Variants in TRPM8 observed in about 807,000 individuals in gnomAD.
The protein encoded by TRPM8 is transient receptor potential cation channel subfamily M member 8.
TRPM8 carries 110 observed loss-of-function variants against 133.7 expected under a neutral mutation model. The observed-to-expected ratio is 0.82, with a 90% CI of 0.70 to 0.96. TRPM8 has a LOEUF of 0.96. Ranked by LOEUF, TRPM8 falls within the 40% of genes least tolerant of loss-of-function variation. The probability of loss-of-function intolerance (pLI) is 0.00; values close to 1 mark genes in which losing one functional copy is unlikely to be tolerated. For synonymous variants in TRPM8, 535 were observed against 532.3 expected (o/e 1.01, Z -0.07); for missense variants, 1,291 against 1,379.5 (o/e 0.94, Z 1.02).
At chr2:234,014,429 C>A in intron 24 of TRPM8, 133 bp from the exon 25 acceptor site, 1 of 489,176 alleles carries the variant, frequency 2.0e-6, no homozygotes, top group East Asian at 3.6e-5. Context: ...TCTCATTCTG[C>A]CTTATTTTAG....
chr2:233,997,995 C>T (rs1692452981), intron 22 of TRPM8, among the ~76,000 whole-genome samples: 1 of 152,166 alleles, frequency 6.6e-6, no homozygotes, highest in Admixed American at 6.5e-5. Flanking sequence ...TTCCTAGCCC[C>T]CAGTTATGCC....
intron 24 of TRPM8, among the ~76,000 whole-genome samples, chr2:234,009,632 G>T (rs17874955): frequency 6.6e-6 from 1 of 152,050 alleles, no homozygotes. Flanking sequence ...AGGTCCCACC[G>T]CCTCCCTCCC....
At chr2:233,995,211 A>G (rs571298743) in intron 21 of TRPM8, among the ~76,000 whole-genome samples, 2 of 152,362 alleles carry the variant, frequency 1.3e-5, no homozygotes, top group East Asian at 1.9e-4. Flanking sequence ...TTCATTGTAG[A>G]TGATAATAGA....
chr2:233,940,332 T>A (rs1690874904), intron 5 of TRPM8, among the ~76,000 whole-genome samples: 1 of 149,708 alleles, frequency 6.7e-6, no homozygotes, highest in Admixed American at 6.6e-5. Flanking sequence ...TTTTGTTTTG[T>A]TTTTCCCATT....
intron 11 of TRPM8, chr2:233,955,508 A>T: frequency 3.6e-6 from 1 of 280,410 alleles, no homozygotes; most frequent in Admixed American, 5.1e-5. Context: ...CTTCAGCTGC[A>T]AAGTGAGGGT....
chr2:233,958,924 TG>T (rs1352009985), intron 11 of TRPM8, among the ~76,000 whole-genome samples: 3 of 147,886 alleles, frequency 2.0e-5, no homozygotes, highest in Non-Finnish European at 3.0e-5. Context: ...GTGGGGACTG[TG>T]GGGAGTTGGA....
At chr2:233,991,864 T>C (rs1304886886) in intron 21 of TRPM8, among the ~76,000 whole-genome samples, 2 of 152,218 alleles carry the variant, frequency 1.3e-5, no homozygotes, top group Non-Finnish European at 2.9e-5. Flanking sequence ...AAGGCTTATC[T>C]TGTGGATTCT....
At chr2:234,017,165 T>A (rs1692975645) in intron 25 of TRPM8, 134 bp from the exon 26 acceptor site, 2 of 343,910 alleles carry the variant, frequency 5.8e-6, no homozygotes, top group Non-Finnish European at 1.2e-5. Flanking sequence ...AAAAAAAAAA[T>A]CTCTCAACTT....
intron 3 of TRPM8, 22 bp downstream of exon 3, chr2:233,930,763 A>G (rs1285488864): frequency 7.6e-6 from 12 of 1,569,140 alleles, no homozygotes; most frequent in Non-Finnish European, 9.6e-6. Context: ...TTTTCCCTCC[A>G]GTTTTGCTTT....
chr2:233,999,890 A>C (rs534386684), intron 22 of TRPM8, among the ~76,000 whole-genome samples: 2 of 152,182 alleles, frequency 1.3e-5, no homozygotes, highest in African/African-American at 4.8e-5. Context: ...GATCCTCACC[A>C]TGCCCAGGCA....
chr2:233,995,473 C>T (rs1692379006), intron 21 of TRPM8, among the ~76,000 whole-genome samples: 1 of 152,178 alleles, frequency 6.6e-6, no homozygotes, highest in South Asian at 2.1e-4. Context: ...GACTAAACAG[C>T]ACTCAAAACA....
At chr2:233,981,984 G>A in intron 19 of TRPM8, 69 bp downstream of exon 19, 1 of 1,479,920 alleles carries the variant, frequency 6.8e-7, no homozygotes, top group South Asian at 1.4e-5. Context: ...ATGGTCGATA[G>A]GAGGATTTTG....
rs199955839 is a variant in TRPM8, at chr2:233,959,367, C to A, written c.1363-1409C>A. On this transcript the variant is annotated intron_variant, in intron 11 of 25. Transcript: ENST00000324695. ...TTTGAGATGGAGTCTCACTCTGTCA[C>A]CCAAGCTGGAGTGCAGAGGTGCAAT... Among the ~76,000 whole-genome samples, 85 of 131,476 alleles carry A rather than the reference C, an allele frequency of 6.5e-4. 1 individual carries two copies. The East Asian group carries it at 0.015, about 23-fold the overall frequency. The allele number at this position is 131,476 out of a possible 152,430, so 86.3% of individuals were successfully genotyped here.
intron 22 of TRPM8, among the ~76,000 whole-genome samples, chr2:234,005,784 G>A (rs750911601): frequency 4.6e-5 from 7 of 151,996 alleles, no homozygotes; most frequent in Admixed American, 1.3e-4. Flanking sequence ...GGTGGTATGC[G>A]CTTGTAGTCC....
chr2:233,971,611 G>C (rs764066350), intron 17 of TRPM8, among the ~76,000 whole-genome samples: 34 of 152,088 alleles, frequency 2.2e-4, no homozygotes, highest in African/African-American at 8.2e-4. Context: ...GGACCCTTGC[G>C]GTGAGTGTTA....
At chr2:233,958,052 C>A (rs983603877) in intron 11 of TRPM8, among the ~76,000 whole-genome samples, 5 of 152,132 alleles carry the variant, frequency 3.3e-5, no homozygotes, top group Admixed American at 2.6e-4. Flanking sequence ...ATTTCTGTGA[C>A]CTTTTACAGT....
intron 15 of TRPM8, 119 bp from the exon 16 acceptor site, chr2:233,969,576 A>T (rs1691656267): frequency 1.5e-6 from 1 of 677,034 alleles, no homozygotes; most frequent in Admixed American, 2.4e-5. Context: ...GAATAATGAC[A>T]TTAATTCAAA....
intron 1 of TRPM8, among the ~76,000 whole-genome samples, chr2:233,920,500 G>GGA (rs1691386355): frequency 1.3e-5 from 2 of 152,292 alleles, no homozygotes. Context: ...CTTCCTTTGG[G>GGA]CCTGCCATGG....
At chr2:233,992,237 C>T (rs778438572) in intron 21 of TRPM8, among the ~76,000 whole-genome samples, 1 of 151,728 alleles carries the variant, frequency 6.6e-6, no homozygotes, top group Non-Finnish European at 1.5e-5. Context: ...TTTATCATGT[C>T]ATGGAAAGTT....
Sources: gnomAD v4.1 joint callset for allele counts (sites outside exome capture counted in the v4.1 genomes callset) on GRCh38, gnomAD v4.1.1 for gene constraint, MANE v1.5 for transcripts, NCBI Gene and HGNC (gene_info 2026-07-23, HGNC 2026-07-21) for gene names.